TSKS: variants seen among roughly 807,000 people sequenced by gnomAD.
The protein encoded by TSKS is testis-specific serine kinase substrate.
A neutral mutation model predicts 68.0 loss-of-function variants in TSKS; 27 were observed. The ratio of observed to expected loss-of-function variants is 0.40; its 90% CI spans 0.29 to 0.55. The LOEUF (loss-of-function observed/expected upper bound fraction) is 0.55. TSKS is among the 20% of genes least tolerant of loss of function. TSKS has a pLI of 0.53. For missense variants in TSKS, 806 were observed against 776.0 expected, an observed-to-expected ratio of 1.04 and a Z score of -0.46; for synonymous variants, 331 against 340.4, an observed-to-expected ratio of 0.97 and a Z score of 0.30.
chr19:49,761,993 A>AG lies in TSKS; in HGVS notation c.399+10dup, dbSNP rs764884345. The AG allele has an allele frequency of 1.3e-5, 21 of 1,602,378 alleles. No individual in the cohort carries two copies. In the East Asian group the frequency reaches 3.4e-4, roughly 26 times the overall value. On this transcript the variant is annotated intron_variant, in intron 2 of 10. Transcript: ENST00000246801. ...CGGTCCTCCCCAGCGGGTGGTGTGG[A>AG]GGGCCCTCACCAGGATTTCCGTGAT...
chr19:49,755,123 A>G (rs1600198012), intron 2 of TSKS, among the ~76,000 whole-genome samples: 1 of 152,218 alleles, frequency 6.6e-6, no homozygotes, highest in South Asian at 2.1e-4. Flanking sequence ...GTTGAAAAGT[A>G]CAATAACCAA....
At chr19:49,746,343 T>C in intron 6 of TSKS, 127 bp downstream of exon 6, 3 of 1,133,198 alleles carry the variant, frequency 2.6e-6, no homozygotes, top group Non-Finnish European at 3.7e-6. Context: ...TCCACCCATG[T>C]CACCGCCCAC....
chr19:49,754,567 A>G (rs944703613), intron 2 of TSKS, among the ~76,000 whole-genome samples: 1 of 152,106 alleles, frequency 6.6e-6, no homozygotes. Flanking sequence ...AAGAAAAAAA[A>G]CTATGGCCTA....
intron 8 of TSKS, among the ~76,000 whole-genome samples, 173 bp downstream of exon 8, chr19:49,744,058 T>C (rs1049328583): frequency 6.6e-6 from 1 of 152,052 alleles, no homozygotes; most frequent in African/African-American, 2.4e-5. Flanking sequence ...CCTTGTAGAG[T>C]GGGAACAAAT....
At position 49,746,808 on chromosome 19, in the gene TSKS, A is replaced by G. The variant is rs765181874; in HGVS notation, c.664-10T>C. 2 of 1,597,032 alleles carry G rather than the reference A, an allele frequency of 1.3e-6. No individual in the cohort carries two copies. The highest frequency in any genetic ancestry group is 2.2e-5 in the East Asian group (1 of 44,864). ...GGTAGCGCAGCTTCTCCTGGGTGGT[A>G]AGGGAGGACGGGGTCACAGCGTCCA... On this transcript the variant is annotated splice_polypyrimidine_tract_variant and intron_variant, in intron 5 of 10. Transcript: ENST00000246801.
intron 2 of TSKS, among the ~76,000 whole-genome samples, chr19:49,753,561 CAATAATAATAATAAT>C (rs59369964): frequency 6.6e-5 from 9 of 136,186 alleles, no homozygotes; most frequent in African/African-American, 1.1e-4. Context: ...GACTCCATCT[CAATAATAATAATAAT>C]AATAATAATA....
At chr19:49,741,818 G>A (rs991715588) in intron 9 of TSKS, 67 bp downstream of exon 9, 132 of 1,606,752 alleles carry the variant, frequency 8.2e-5, no homozygotes, top group Admixed American at 1.5e-4. Flanking sequence ...CCTTGAGTCC[G>A]GGGTTCCCCT....
At chr19:49,754,580 C>T (rs2084378764) in intron 2 of TSKS, among the ~76,000 whole-genome samples, 1 of 151,968 alleles carries the variant, frequency 6.6e-6, no homozygotes, top group African/African-American at 2.4e-5. Context: ...ATGGCCTATA[C>T]AATGGAGGAC....
Position 49,746,654 on chromosome 19 carries a change from A to C in TSKS, c.808T>G (p.Trp270Gly). The change falls in exon 6 of 11, where the codon TGG becomes GGG. Residue 270 changes from tryptophan to glycine, a missense_variant. Transcript: ENST00000246801. The stretch of plus-strand genomic sequence containing the variant: ...GTGGCGGCGGGGCCCAGGCTGTTCC[A>C]GGAGAGGCCAGCCTCCGGCTTCTGC... ...EKQKPEAGLS[W>G]NSLGPAATSQ... 5.6e-6 allele frequency: 9 copies of C among 1,607,176 alleles called. No homozygotes were observed. The highest frequency in any genetic ancestry group is 7.6e-6 in the Non-Finnish European group (9 of 1,179,434).
chr19:49,748,388 C>T lies in TSKS; in HGVS notation c.481G>A (p.Val161Met), dbSNP rs143235761. Reference sequence around the variant, plus strand: ...GGTCCTCACACCTGCAGAGACTGCACGTGCTGGTTAACCCGGTTGGTCTTT... The same window carrying T: ...GGTCCTCACACCTGCAGAGACTGCATGTGCTGGTTAACCCGGTTGGTCTTT... ...KEKTNRVNQH[V>M]QSLQSECSVL... The change falls in exon 3 of 11, where the codon GTG (valine) becomes ATG (methionine). Residue 161 changes from valine (V) to methionine (M), a missense_variant. Coordinates refer to ENST00000246801, the MANE Select transcript of TSKS (RefSeq NM_021733.2). The T allele has an allele frequency of 1.6e-4, 261 of 1,613,976 alleles. No individual in the cohort carries two copies. Among genetic ancestry groups the T allele is most frequent in the African/African-American group, 5.6e-4 (42 of 74,938 alleles).
chr19:49,746,835 C>G, intron 5 of TSKS, 37 bp from the exon 6 acceptor site: 3 of 1,581,566 alleles, frequency 1.9e-6, no homozygotes, highest in Non-Finnish European at 2.6e-6. Context: ...CAGCGTCCAG[C>G]CGCTTTCCTC....
At chr19:49,747,302 C>T in intron 5 of TSKS, 87 bp downstream of exon 5, 1 of 1,608,168 alleles carries the variant, frequency 6.2e-7, no homozygotes, top group Non-Finnish European at 8.5e-7. Flanking sequence ...GGTGTCGGGG[C>T]AGGGAGTTCC....
intron 2 of TSKS, among the ~76,000 whole-genome samples, chr19:49,751,362 A>G (rs1410251212): frequency 1.3e-5 from 2 of 152,004 alleles, no homozygotes. Context: ...AAAACAATGA[A>G]AAAACTAACA....
In TSKS at chr19:49,747,423, G is replaced by C. The variant is rs2084312423; in HGVS notation, c.629C>G (p.Thr210Ser). 5 of 1,614,204 alleles carry C rather than the reference G, an allele frequency of 3.1e-6. No homozygotes were observed. The highest frequency in any genetic ancestry group is 4.2e-6 in the Non-Finnish European group (5 of 1,180,040). The part of the protein sequence containing the change: ...TRSVEDAEIK[T>S]NVLKQNSALL... ...GGCAGAATTCTGCTTCAAGACGTTG[G>C]TTTTGATTTCAGCATCTTCCACAGA... is the stretch of plus-strand genomic sequence containing the variant. Residue 210 changes from threonine to serine, a missense_variant, in exon 5 of 11, where the codon ACC becomes AGC. By Grantham distance (58) the Thr-to-Ser change is moderately conservative. Coordinates refer to ENST00000246801, the MANE Select transcript of TSKS (RefSeq NM_021733.2).
chr19:49,762,963 C>CCGACCTG, intron 1 of TSKS, 115 bp downstream of exon 1: 1 of 1,386,810 alleles, frequency 7.2e-7, no homozygotes, highest in Non-Finnish European at 9.7e-7. Context: ...TTTCCTGCCC[C>CCGACCTG]CGACCTGCTG....
In TSKS at chr19:49,746,608, G is replaced by C; in HGVS notation, c.854C>G (p.Pro285Arg). 1 of 1,611,314 alleles carries C rather than the reference G, an allele frequency of 6.2e-7. No individual in the cohort carries two copies. Among genetic ancestry groups the C allele is most frequent in the Non-Finnish European group, 8.5e-7 (1 of 1,179,260 alleles). Reference protein sequence around the residue: ...PAATSQGCPGPPGSPDKPSRP... With the variant: ...PAATSQGCPGRPGSPDKPSRP... ...CGAGGGTTTGTCGGGACTCCCTGGC[G>C]GGCCGGGGCAGCCCTGGGACGTGGC... The change falls in exon 6 of 11, where the codon CCG (proline) becomes CGG (arginine). Residue 285 changes from proline to arginine, a missense_variant. Pro to Arg is a moderately radical substitution (Grantham distance 103). Coordinates refer to ENST00000246801, the MANE Select transcript of TSKS (RefSeq NM_021733.2).
chr19:49,740,006 G>A (rs1001154944), intron 10 of TSKS, 53 bp downstream of exon 10: 22 of 1,612,174 alleles, frequency 1.4e-5, no homozygotes, highest in Non-Finnish European at 1.9e-5. Flanking sequence ...GGGAGATCAG[G>A]CCCTTTCCCC....
Position 49,748,136 on chromosome 19 carries a change from C to A in TSKS, c.528G>T (p.Glu176Asp), listed in dbSNP as rs1425522078. 1 of 1,614,088 alleles carries A rather than the reference C, an allele frequency of 6.2e-7. No homozygotes were observed. Among genetic ancestry groups the A allele is most frequent in the Non-Finnish European group, 8.5e-7 (1 of 1,180,042 alleles). ...ACTCTTCTGCCTCTTGCCGCCTTCT[C>A]TCCAGATTCTCGCTCAGCACAGAAC... Reference protein sequence around the residue: ...SECSVLSENLERRRQEAEELE... With the variant: ...SECSVLSENLDRRRQEAEELE... The change falls in exon 4 of 11, where the codon GAG becomes GAT. Residue 176 changes from glutamate to aspartate, a missense_variant. Coordinates refer to ENST00000246801, the MANE Select transcript of TSKS (RefSeq NM_021733.2).
At chr19:49,754,630 C>T (rs879270145) in intron 2 of TSKS, among the ~76,000 whole-genome samples, 7 of 152,008 alleles carry the variant, frequency 4.6e-5, no homozygotes, top group Non-Finnish European at 7.4e-5. Flanking sequence ...GGTAGGATGG[C>T]GGGGGCAGAT....
Sources: allele counts gnomAD v4.1 joint callset (sites outside exome capture counted in the v4.1 genomes callset), GRCh38; gene constraint gnomAD v4.1.1; transcripts MANE v1.5; gene names NCBI Gene and HGNC (gene_info 2026-07-23, HGNC 2026-07-21).